The following SAMD4B variants were observed in gnomAD, a reference collection of about 807,000 sequenced individuals.
SAMD4B encodes protein Smaug homolog 2.
SAMD4B carries 5 observed loss-of-function variants against 74.5 expected under a neutral mutation model. That is an observed-to-expected ratio of 0.07 (90% confidence interval 0.04 to 0.14). The LOEUF (loss-of-function observed/expected upper bound fraction) is 0.14, where lower values mean the gene tolerates loss of function less well. SAMD4B is among the 10% of genes least tolerant of loss of function. The pLI is 1.00. For missense variants in SAMD4B, 608 were observed against 921.8 expected (o/e 0.66, Z 4.41); for synonymous variants, 373 against 374.9 (o/e 1.00, Z 0.06).
intron 4 of SAMD4B, among the ~76,000 whole-genome samples, chr19:39,374,084 A>G (rs1004958102): frequency 6.6e-6 from 1 of 152,012 alleles, no homozygotes; most frequent in Non-Finnish European, 1.5e-5. Flanking sequence ...CCTGACCAAT[A>G]TAGTGAAACC....
downstream of SAMD4B, chr19:39,390,327 A>G: frequency 6.3e-7 from 1 of 1,584,946 alleles, no homozygotes; most frequent in African/African-American, 1.3e-5. Context: ...GGTGGAGAGG[A>G]CGGGATTGAC....
downstream of SAMD4B, chr19:39,390,068 C>A (rs1246205002): frequency 6.2e-7 from 1 of 1,611,080 alleles, no homozygotes; most frequent in Non-Finnish European, 8.5e-7. Context: ...CTTAGTCTCA[C>A]CTGTTCTGGT....
intron 1 of SAMD4B, among the ~76,000 whole-genome samples, chr19:39,345,710 ATCCCACAAGG>A (rs1341165094): frequency 6.6e-6 from 1 of 152,156 alleles, no homozygotes. Flanking sequence ...TCTTCTCTGA[ATCCCACAAGG>A]TGGGATCTAC....
intron 3 of SAMD4B, among the ~76,000 whole-genome samples, chr19:39,358,051 A>G (rs2076430206): frequency 6.6e-6 from 1 of 152,128 alleles, no homozygotes. Context: ...CAGGCAGATC[A>G]CCTGAGGTCG....
At chr19:39,359,382 G>A (rs1654980141) in intron 3 of SAMD4B, among the ~76,000 whole-genome samples, 1 of 152,162 alleles carries the variant, frequency 6.6e-6, no homozygotes, top group South Asian at 2.1e-4. Flanking sequence ...TGAAAGTGAG[G>A]TTTTTCTTCC....
At chr19:39,356,381 A>T (rs1469318098) in intron 2 of SAMD4B, among the ~76,000 whole-genome samples, 4 of 151,788 alleles carry the variant, frequency 2.6e-5, no homozygotes, top group African/African-American at 4.8e-5. Context: ...CTTCTGAAAA[A>T]TTTTTCCAAT....
At chr19:39,390,296 G>T, downstream of SAMD4B, 1 of 1,610,112 alleles carries the variant, frequency 6.2e-7, no homozygotes, top group Non-Finnish European at 8.5e-7. Flanking sequence ...GGGCCTAGTG[G>T]AGAAGAAAGA....
At chr19:39,373,596 G>A (rs10422570) in intron 4 of SAMD4B, among the ~76,000 whole-genome samples, 5,702 of 152,166 alleles carry the variant, frequency 0.037, 307 homozygotes, top group African/African-American at 0.12. Flanking sequence ...CGAGGTGAGC[G>A]AGGCAGAGGA....
chr19:39,362,631 A>G (rs1043349824), intron 3 of SAMD4B, among the ~76,000 whole-genome samples: 1 of 152,138 alleles, frequency 6.6e-6, no homozygotes, highest in Non-Finnish European at 1.5e-5. Context: ...AGCTAGAACA[A>G]TAACCCTGGT....
chr19:39,376,109 C>T (rs1421542775), intron 5 of SAMD4B, among the ~76,000 whole-genome samples: 1 of 152,142 alleles, frequency 6.6e-6, no homozygotes, highest in African/African-American at 2.4e-5. Context: ...CCCCTGTCTT[C>T]ACACACCCCA....
Position 39,385,694 on chromosome 19 carries a change from A to T in SAMD4B, c.*2167A>T. 1 of 532,446 alleles carries T rather than the reference A, an allele frequency of 1.9e-6. No homozygotes were observed. The highest frequency in any genetic ancestry group is 3.3e-6 in the Non-Finnish European group (1 of 304,054). 33.0% of individuals were successfully genotyped at this position (532,446 alleles called of 1,614,324 possible). A position where few individuals can be genotyped will look rare whatever the true frequency, so the allele number is the denominator to read the frequency against. On this transcript the variant is annotated 3_prime_UTR_variant, in exon 14 of 14. Coordinates refer to ENST00000610417, the MANE Select transcript of SAMD4B (RefSeq NM_001384574.2). ...TGGAAAAAAAAAAAACAAACAAAAA[A>T]AACGAATTCTGACCTTCGTTGTGCT...
At chr19:39,361,229 A>G (rs2076625980) in intron 3 of SAMD4B, among the ~76,000 whole-genome samples, 1 of 152,148 alleles carries the variant, frequency 6.6e-6, no homozygotes, top group South Asian at 2.1e-4. Flanking sequence ...TGGACCAGTT[A>G]GAAAATCTTC....
At chr19:39,367,507 C>CT (rs572713498) in intron 3 of SAMD4B, among the ~76,000 whole-genome samples, 1,612 of 110,716 alleles carry the variant, frequency 0.015, 21 homozygotes, top group Admixed American at 0.027. Context: ...TTTTCTTTTT[C>CT]TTTTTTTTTT....
chr19:39,371,066 T>C (rs1422887985), intron 4 of SAMD4B, among the ~76,000 whole-genome samples: 2 of 152,190 alleles, frequency 1.3e-5, no homozygotes, highest in Admixed American at 1.3e-4. Flanking sequence ...TCCCAGTGAC[T>C]TTTTGAAATG....
Position 39,380,593 on chromosome 19 carries a change from A to G in SAMD4B, c.1656A>G (p.Ala552=). The change falls in exon 11 of 14, where the codon GCA becomes GCG. Residue 552 remains alanine, a synonymous_variant. Transcript: ENST00000610417. ...MQNYRQQKGW[A]FGSNSLPIAG... ...GCCTTCTGCTCTCTCATAGCTGGGC[A>G]TTCGGCTCCAACTCGCTCCCCATAG... 6.2e-7 allele frequency: 1 copy of G among 1,614,200 alleles called. No individual in the cohort carries two copies. Among genetic ancestry groups the G allele is most frequent in the Non-Finnish European group, 8.5e-7 (1 of 1,180,028 alleles).
intron 3 of SAMD4B, among the ~76,000 whole-genome samples, chr19:39,367,048 CA>C (rs1308087264): frequency 2.0e-5 from 3 of 152,184 alleles, no homozygotes; most frequent in African/African-American, 7.2e-5. Flanking sequence ...TCACATAATT[CA>C]TAGCAGCCAT....
At chr19:39,390,074 C>T (rs1275561754), downstream of SAMD4B, 4 of 1,612,644 alleles carry the variant, frequency 2.5e-6, no homozygotes, top group South Asian at 3.3e-5. Flanking sequence ...CTCACCTGTT[C>T]TGGTCGAAGG....
chr19:39,381,295 T>A lies in SAMD4B; in HGVS notation c.1972+182T>A, dbSNP rs1212674649. On this transcript the variant is annotated intron_variant, in intron 12 of 13. Coordinates refer to ENST00000610417, the MANE Select transcript of SAMD4B (RefSeq NM_001384574.2). ...GTTGTTTTCCTCCTCTGCTTCAATT[T>A]TATCTCTCAGGTCTTGCCCCCACCC... 17 of 661,198 alleles carry A rather than the reference T, an allele frequency of 2.6e-5. No homozygotes were observed. The South Asian group carries it at 4.0e-4, about 15-fold the overall frequency. 41.0% of individuals were successfully genotyped at this position (661,198 alleles called of 1,614,324 possible).
In SAMD4B at chr19:39,377,804, T is replaced by A. The variant is rs201606541; in HGVS notation, c.1424T>A (p.Phe475Tyr). 1.1e-4 allele frequency: 182 copies of A among 1,602,674 alleles called. No individual in the cohort carries two copies. The highest frequency in any genetic ancestry group is 1.7e-4 in the Middle Eastern group (1 of 6,032). ...GCCGACGGAGACATCCCCAGCCAGTTTACACGGGTGATGGGCAAAGGTGAG... is the reference window on the plus strand; with the variant it reads ...GCCGACGGAGACATCCCCAGCCAGTATACACGGGTGATGGGCAAAGGTGAG... Reference protein sequence around the residue: ...PVADGDIPSQFTRVMGKVCTQ... With the variant: ...PVADGDIPSQYTRVMGKVCTQ... Residue 475 changes from phenylalanine (F) to tyrosine (Y), a missense_variant, in exon 8 of 14, where the codon TTT (phenylalanine) becomes TAT (tyrosine). By Grantham distance (22) the Phe-to-Tyr change is conservative. This residue lies in a region of SAMD4B where 3 missense variants were observed against 23.8 expected (regional missense o/e 0.13). Transcript: ENST00000610417.
Sources: gnomAD v4.1 joint callset for allele counts (sites outside exome capture counted in the v4.1 genomes callset) on GRCh38, gnomAD v4.1.1 for gene constraint, gnomAD v4.1.1 regional missense constraint, MANE v1.5 for transcripts, NCBI Gene and HGNC (gene_info 2026-07-23, HGNC 2026-07-21) for gene names.